The following CCDC178 variants were observed in gnomAD, a reference collection of about 807,000 sequenced individuals.
The protein encoded by CCDC178 is coiled-coil domain-containing protein 178.
A neutral mutation model predicts 117.4 loss-of-function variants in CCDC178; 126 were observed. The observed-to-expected ratio is 1.07, with a 90% CI of 0.93 to 1.24. The LOEUF (loss-of-function observed/expected upper bound fraction) is 1.24, where lower values mean the gene tolerates loss of function less well. Ranked by LOEUF, CCDC178 falls within the 50% of genes most tolerant of loss-of-function variation. The probability of loss-of-function intolerance (pLI) is 0.00; values close to 1 mark genes in which losing one functional copy is unlikely to be tolerated. For synonymous variants in CCDC178, 283 were observed against 313.4 expected, an observed-to-expected ratio of 0.90 and a Z score of 1.02; for missense variants, 1,030 against 986.9, an observed-to-expected ratio of 1.04 and a Z score of -0.59.
chr18:33,187,041 T>C (rs2058802966), intron 20 of CCDC178, among the ~76,000 whole-genome samples: 1 of 142,532 alleles, frequency 7.0e-6, no homozygotes, highest in African/African-American at 2.8e-5. Context: ...CTTACAATCA[T>C]GGAGGAAGGC....
rs371099246 is a variant in CCDC178 at position 32,972,933 on chromosome 18, A to G, written c.2523+1614T>C. 2.1e-4 allele frequency among the ~76,000 whole-genome samples: 32 copies of G among 152,234 alleles called. 1 individual carries two copies. The East Asian group carries it at 4.5e-3, about 21-fold the overall frequency. Reference sequence around the variant, plus strand: ...GGAAGCCATCTCCAATAGATAAGAAAATGAGGCACTAATTTATGCTGCTCA... The same window carrying G: ...GGAAGCCATCTCCAATAGATAAGAAGATGAGGCACTAATTTATGCTGCTCA... On this transcript the variant is annotated intron_variant, in intron 22 of 22. Coordinates refer to ENST00000383096, the MANE Select transcript of CCDC178 (RefSeq NM_001105528.4).
intron 14 of CCDC178, among the ~76,000 whole-genome samples, chr18:33,248,677 T>C (rs528959469): frequency 4.7e-4 from 71 of 152,162 alleles, no homozygotes; most frequent in African/African-American, 1.6e-3. Context: ...TGATGGACAT[T>C]TGGGTTGGTT....
chr18:33,367,353 G>T (rs547830616), intron 6 of CCDC178, among the ~76,000 whole-genome samples: 1 of 152,084 alleles, frequency 6.6e-6, no homozygotes, highest in Non-Finnish European at 1.5e-5. Context: ...TTTATGCTTA[G>T]GTTAATTCTG....
rs115812738 is a variant in CCDC178, at chr18:33,094,781, C to A, written c.2239-1871G>T. On this transcript the variant is annotated intron_variant, in intron 20 of 22. Coordinates refer to ENST00000383096, the MANE Select transcript of CCDC178 (RefSeq NM_001105528.4). ...GCAATTAGAATATATGCCAAAAAAG[C>A]AAATTGTGTAGTTATGCCAGTAAAT... Among the ~76,000 whole-genome samples, 1,026 of 151,990 alleles carry A rather than the reference C, an allele frequency of 6.8e-3. 9 individuals carry two copies. Among genetic ancestry groups the A allele is most frequent in the African/African-American group, 0.024 (982 of 41,508 alleles).
chr18:33,146,976 A>G (rs1001651686), intron 20 of CCDC178, among the ~76,000 whole-genome samples: 1 of 152,094 alleles, frequency 6.6e-6, no homozygotes, highest in African/African-American at 2.4e-5. Flanking sequence ...CAAGACCTTA[A>G]TTAAGAAAAC....
chr18:33,266,569 C>CT (rs2059817712), intron 14 of CCDC178, among the ~76,000 whole-genome samples: 1 of 139,138 alleles, frequency 7.2e-6, no homozygotes, highest in African/African-American at 2.7e-5. Flanking sequence ...TATTATTATA[C>CT]TTTAAGTTTT....
intron 21 of CCDC178, among the ~76,000 whole-genome samples, chr18:33,000,646 G>A (rs1042459423): frequency 9.9e-5 from 15 of 152,116 alleles, no homozygotes; most frequent in Non-Finnish European, 1.3e-4. Context: ...ACTTTTCAGC[G>A]GAAAACTTAC....
chr18:33,276,343 A>G (rs955614266), intron 12 of CCDC178, among the ~76,000 whole-genome samples: 6 of 152,084 alleles, frequency 3.9e-5, no homozygotes, highest in Non-Finnish European at 8.8e-5. Context: ...TCCACATCTG[A>G]AGTACAATTT....
chr18:33,284,493 G>A (rs2060072884), intron 12 of CCDC178, among the ~76,000 whole-genome samples: 1 of 152,068 alleles, frequency 6.6e-6, no homozygotes, highest in South Asian at 2.1e-4. Flanking sequence ...ATCAATTACT[G>A]TATGCATATG....
intron 20 of CCDC178, among the ~76,000 whole-genome samples, chr18:33,139,532 G>T (rs1437915051): frequency 6.6e-6 from 1 of 152,194 alleles, no homozygotes; most frequent in African/African-American, 2.4e-5. Flanking sequence ...CTGGAGCAAA[G>T]GTGACTCTTG....
intron 20 of CCDC178, among the ~76,000 whole-genome samples, chr18:33,166,447 A>C (rs1426982812): frequency 6.6e-6 from 1 of 152,126 alleles, no homozygotes; most frequent in African/African-American, 2.4e-5. Context: ...TCCCTACGGC[A>C]CTAGATTCCA....
At chr18:33,073,736 T>C (rs1474967016) in intron 21 of CCDC178, among the ~76,000 whole-genome samples, 1 of 152,152 alleles carries the variant, frequency 6.6e-6, no homozygotes, top group Non-Finnish European at 1.5e-5. Context: ...AATTAGATAA[T>C]AAGTTGCTCT....
intron 21 of CCDC178, among the ~76,000 whole-genome samples, chr18:33,057,662 T>C (rs1392911190): frequency 1.3e-5 from 2 of 152,048 alleles, no homozygotes; most frequent in African/African-American, 2.4e-5. Flanking sequence ...TGGCTAATGT[T>C]TGGTATTTTT....
At chr18:33,240,773 T>G (rs900969623) in intron 15 of CCDC178, among the ~76,000 whole-genome samples, 3 of 151,882 alleles carry the variant, frequency 2.0e-5, no homozygotes, top group Admixed American at 2.0e-4. Flanking sequence ...TCTACTAACC[T>G]TTAAGGCAGA....
intron 22 of CCDC178, chr18:32,954,520 TG>T (rs539124741): frequency 3.2e-4 from 48 of 152,318 alleles, no homozygotes; most frequent in African/African-American, 1.1e-3. Context: ...CCAGTCTGTC[TG>T]GGGAAATAAA....
chr18:33,325,307 C>T (rs2062569185), intron 10 of CCDC178, among the ~76,000 whole-genome samples: 1 of 151,900 alleles, frequency 6.6e-6, no homozygotes, highest in Non-Finnish European at 1.5e-5. Context: ...CATGTTAATA[C>T]AATAAATTAT....
intron 2 of CCDC178, among the ~76,000 whole-genome samples, 153 bp from the exon 3 acceptor site, chr18:33,412,263 T>G (rs1235080425): frequency 6.6e-6 from 1 of 152,130 alleles, no homozygotes; most frequent in Non-Finnish European, 1.5e-5. Flanking sequence ...TTATTAGGAC[T>G]ATTACGATCT....
chr18:33,430,805 G>A (rs1390722167), intron 2 of CCDC178, among the ~76,000 whole-genome samples: 1 of 152,186 alleles, frequency 6.6e-6, no homozygotes, highest in Non-Finnish European at 1.5e-5. Context: ...GGGCGCGGTG[G>A]CTCATGCCTG....
intron 20 of CCDC178, 31 bp from the exon 21 acceptor site, chr18:33,092,941 G>A (rs1314497170): frequency 7.5e-7 from 1 of 1,336,014 alleles, no homozygotes; most frequent in Non-Finnish European, 1.0e-6. Context: ...ATTGAATTGT[G>A]TGTATATATA....
Sources: gnomAD v4.1 joint callset for allele counts (sites outside exome capture counted in the v4.1 genomes callset) on GRCh38, gnomAD v4.1.1 for gene constraint, MANE v1.5 for transcripts, NCBI Gene and HGNC (gene_info 2026-07-23, HGNC 2026-07-21) for gene names.